Variants in HNRNPLL observed in about 807,000 individuals in gnomAD.
HNRNPLL encodes heterogeneous nuclear ribonucleoprotein L-like.
Under a neutral mutation model 67.1 loss-of-function variants are expected in HNRNPLL, and 25 were observed. The ratio of observed to expected loss-of-function variants is 0.37; its 90% CI spans 0.27 to 0.52. The LOEUF (loss-of-function observed/expected upper bound fraction) is 0.52, where lower values mean the gene tolerates loss of function less well. Ranked by LOEUF, HNRNPLL falls within the 20% of genes least tolerant of loss-of-function variation. The pLI, the probability that HNRNPLL is intolerant of heterozygous loss-of-function variation, is 0.90. For missense variants in HNRNPLL, 542 were observed against 673.9 expected (o/e 0.80, Z 2.17); for synonymous variants, 267 against 241.7 (o/e 1.10, Z -0.97).
chr2:38,602,773 A>G lies in HNRNPLL; in HGVS notation c.-147T>C, dbSNP rs1408832345. ...GGCCGTCCGCGGGGACTGCGCGGCCAGGAGACTGGCGGCTGAGAAGCGCGG... is the reference window on the plus strand; with the variant it reads ...GGCCGTCCGCGGGGACTGCGCGGCCGGGAGACTGGCGGCTGAGAAGCGCGG... On this transcript the variant is annotated 5_prime_UTR_variant, in exon 1 of 13. Coordinates refer to ENST00000449105, the MANE Select transcript of HNRNPLL (RefSeq NM_138394.4). The G allele has an allele frequency of 4.9e-5, 75 of 1,526,064 alleles. No individual in the cohort carries two copies. Among genetic ancestry groups the G allele is most frequent in the Non-Finnish European group, 6.0e-5 (68 of 1,136,340 alleles). 94.5% of individuals were successfully genotyped at this position (1,526,064 alleles called of 1,614,324 possible). A position where few individuals can be genotyped will look rare whatever the true frequency, so the allele number is the denominator to read the frequency against.
At chr2:38,570,907 G>C (rs1488802965) in intron 8 of HNRNPLL, among the ~76,000 whole-genome samples, 2 of 151,994 alleles carry the variant, frequency 1.3e-5, no homozygotes, top group Non-Finnish European at 2.9e-5. Context: ...AACCAGCTGG[G>C]CATGGTGGCA....
At chr2:38,592,935 C>T (rs1318502678) in intron 1 of HNRNPLL, among the ~76,000 whole-genome samples, 3 of 152,036 alleles carry the variant, frequency 2.0e-5, no homozygotes, top group Non-Finnish European at 2.9e-5. Flanking sequence ...AATGACTCAC[C>T]AATTTTTCTT....
At chr2:38,584,708 G>A (rs921712754) in intron 3 of HNRNPLL, among the ~76,000 whole-genome samples, 1 of 152,036 alleles carries the variant, frequency 6.6e-6, no homozygotes, top group African/African-American at 2.4e-5. Flanking sequence ...ACCCAAGGAA[G>A]ACCATACAGT....
At chr2:38,579,888 C>G (rs189615778) in intron 6 of HNRNPLL, among the ~76,000 whole-genome samples, 1 of 152,044 alleles carries the variant, frequency 6.6e-6, no homozygotes, top group African/African-American at 2.4e-5. Context: ...AGACAAATAT[C>G]TGTAAGGAAT....
Position 38,597,694 on chromosome 2 carries a change from T to TA in HNRNPLL, c.189+4743_189+4744insT, listed in dbSNP as rs562941419. Reference sequence around the variant, plus strand: ...TATGAGTCAAGTAACTTTTTTTATTTTTTTTTTTTTTTGAGACGGAGTCTC... The same window carrying TA: ...TATGAGTCAAGTAACTTTTTTTATTTATTTTTTTTTTTTGAGACGGAGTCTC... On this transcript the variant is annotated intron_variant, in intron 1 of 12. Transcript: ENST00000449105. 5.3e-5 allele frequency among the ~76,000 whole-genome samples: 8 copies of TA among 150,796 alleles called. No individual in the cohort carries two copies. In the East Asian group the frequency reaches 1.2e-3, roughly 22 times the overall value.
intron 1 of HNRNPLL, 88 bp from the exon 2 acceptor site, chr2:38,591,736 G>T: frequency 1.3e-6 from 1 of 757,126 alleles, no homozygotes; most frequent in Non-Finnish European, 2.2e-6. Flanking sequence ...TGCACTTTGG[G>T]AGGTCAAAGT....
In HNRNPLL at chr2:38,563,570, T is replaced by C. The variant is rs569170722; in HGVS notation, c.*612A>G. Reference sequence around the variant, plus strand: ...AGAAACAGAGGCATGTCAATACAAATGGACAGTGACTTAAAAAAAAATACA... The same window carrying C: ...AGAAACAGAGGCATGTCAATACAAACGGACAGTGACTTAAAAAAAAATACA... On this transcript the variant is annotated 3_prime_UTR_variant, in exon 13 of 13. Coordinates refer to ENST00000449105, the MANE Select transcript of HNRNPLL (RefSeq NM_138394.4). 3.3e-5 allele frequency: 5 copies of C among 152,036 alleles called. No individual in the cohort carries two copies. The highest frequency in any genetic ancestry group is 7.4e-5 in the Non-Finnish European group (5 of 67,948). 9.4% of individuals were successfully genotyped at this position (152,036 alleles called of 1,614,324 possible).
chr2:38,577,298 C>A lies in HNRNPLL; in HGVS notation c.874+163G>T, dbSNP rs527897712. 1.7e-3 allele frequency among the ~76,000 whole-genome samples: 256 copies of A among 151,822 alleles called. 1 individual carries two copies. Among genetic ancestry groups the A allele is most frequent in the Non-Finnish European group, 3.0e-3 (203 of 67,800 alleles). On this transcript the variant is annotated intron_variant, in intron 7 of 12. Transcript: ENST00000449105. ...TTTTTAAATCATTATCCTAAGAAAA[C>A]AAATTTTGGACAACTCCTGGGAGTA...
intron 12 of HNRNPLL, among the ~76,000 whole-genome samples, chr2:38,565,085 A>T (rs928582695): frequency 3.3e-5 from 5 of 152,088 alleles, no homozygotes; most frequent in Non-Finnish European, 5.9e-5. Context: ...CAGACCAGGC[A>T]GAAACAGCTC....
intron 12 of HNRNPLL, among the ~76,000 whole-genome samples, chr2:38,565,727 C>CAAAAAA (rs200356084): frequency 2.7e-5 from 2 of 73,302 alleles, no homozygotes; most frequent in African/African-American, 5.9e-5. Context: ...GACCCTGTCT[C>CAAAAAA]AAAAAAAAAA....
chr2:38,597,104 A>G (rs1471567263), intron 1 of HNRNPLL, among the ~76,000 whole-genome samples: 1 of 152,220 alleles, frequency 6.6e-6, no homozygotes, highest in Non-Finnish European at 1.5e-5. Flanking sequence ...TGACTACTGC[A>G]TATTAAGGAC....
In HNRNPLL at chr2:38,573,193, T is replaced by C. The variant is rs1666162622; in HGVS notation, c.1092+17A>G. Reference sequence around the variant, plus strand: ...TGAATATCCTAGCAAAAGAAACCAATATAAAGAGAAACTTACCTTCTCAAT... The same window carrying C: ...TGAATATCCTAGCAAAAGAAACCAACATAAAGAGAAACTTACCTTCTCAAT... On this transcript the variant is annotated intron_variant, in intron 8 of 12. Coordinates refer to ENST00000449105, the MANE Select transcript of HNRNPLL (RefSeq NM_138394.4). 6.5e-7 allele frequency: 1 copy of C among 1,533,766 alleles called. No individual in the cohort carries two copies. The highest frequency in any genetic ancestry group is 1.9e-5 in the Admixed American group (1 of 52,530).
rs70954734 is a variant in HNRNPLL at position 38,595,272 on chromosome 2, T to TAA, written c.190-3626_190-3625dup. Among the ~76,000 whole-genome samples, 81 of 68,706 alleles carry TAA rather than the reference T, an allele frequency of 1.2e-3. 1 individual carries two copies. The highest frequency in any genetic ancestry group is 0.012 in the Middle Eastern group (1 of 82). The allele number at this position is 68,706 out of a possible 152,430, so 45.1% of individuals were successfully genotyped here. On this transcript the variant is annotated intron_variant, in intron 1 of 12. Transcript: ENST00000449105. ...CCTGGGTGATGAGCAAGACCTTGTC[T>TAA]AAAAAAAAAAAAAAAAAAAAAAAAA...
At chr2:38,575,425 C>A (rs1316404940) in intron 7 of HNRNPLL, among the ~76,000 whole-genome samples, 1 of 151,740 alleles carries the variant, frequency 6.6e-6, no homozygotes, top group Non-Finnish European at 1.5e-5. Flanking sequence ...CAAACCATAT[C>A]CAAAGATGCT....
At chr2:38,596,715 T>C (rs1457688494) in intron 1 of HNRNPLL, among the ~76,000 whole-genome samples, 1 of 152,200 alleles carries the variant, frequency 6.6e-6, no homozygotes, top group African/African-American at 2.4e-5. Context: ...GTCCTTTTTT[T>C]AATCTTTCCT....
At chr2:38,577,553 T>C (rs777028997) in intron 6 of HNRNPLL, 21 bp from the exon 7 acceptor site, 38 of 1,549,268 alleles carry the variant, frequency 2.5e-5, no homozygotes, top group Admixed American at 1.3e-4. Context: ...AGTAGAAACA[T>C]GGTTTTAACA....
intron 7 of HNRNPLL, among the ~76,000 whole-genome samples, chr2:38,573,918 T>C (rs1479487916): frequency 6.6e-6 from 1 of 151,994 alleles, no homozygotes; most frequent in Non-Finnish European, 1.5e-5. Context: ...TTTTACTATG[T>C]ACTTTCAGGT....
intron 7 of HNRNPLL, 56 bp from the exon 8 acceptor site, chr2:38,573,483 A>G: frequency 2.6e-6 from 3 of 1,166,826 alleles, no homozygotes; most frequent in Non-Finnish European, 3.7e-6. Flanking sequence ...AGTTGTTTGT[A>G]AATACTTTAG....
chr2:38,566,615 T>C (rs1462738999), intron 12 of HNRNPLL, among the ~76,000 whole-genome samples: 2 of 151,788 alleles, frequency 1.3e-5, no homozygotes, highest in Non-Finnish European at 2.9e-5. Flanking sequence ...AAGTACAATC[T>C]AGCAACATTT....
Sources: allele counts gnomAD v4.1 joint callset (sites outside exome capture counted in the v4.1 genomes callset), GRCh38; gene constraint gnomAD v4.1.1; transcripts MANE v1.5; gene names NCBI Gene and HGNC (gene_info 2026-07-23, HGNC 2026-07-21).